The following GMFG variants were observed in gnomAD, a reference collection of about 807,000 sequenced individuals.
The protein encoded by GMFG is glia maturation factor gamma.
A neutral mutation model predicts 26.1 loss-of-function variants in GMFG; 21 were observed. The ratio of observed to expected loss-of-function variants is 0.80; its 90% CI spans 0.57 to 1.16. The LOEUF (loss-of-function observed/expected upper bound fraction) is 1.16, where lower values mean the gene tolerates loss of function less well. Ranked by LOEUF, GMFG falls within the 50% of genes most tolerant of loss-of-function variation. The pLI, the probability that GMFG is intolerant of heterozygous loss-of-function variation, is 0.00. For missense variants in GMFG, 161 were observed against 178.3 expected (o/e 0.90, Z 0.55); for synonymous variants, 65 against 60.8 (o/e 1.07, Z -0.32).
chr19:39,335,407 T>C (rs1160914168), intron 2 of GMFG, 28 bp downstream of exon 2: 1 of 1,591,506 alleles, frequency 6.3e-7, no homozygotes, highest in South Asian at 1.1e-5. Context: ...CGCCCTCCCA[T>C]CCTTCTGTGG....
Position 39,335,541 on chromosome 19 carries a change from G to C in GMFG, c.4-10C>G. The C allele has an allele frequency of 3.8e-6, 6 of 1,596,634 alleles. No homozygotes were observed. Among genetic ancestry groups the C allele is most frequent in the Non-Finnish European group, 5.2e-6 (6 of 1,164,140 alleles). On this transcript the variant is annotated splice_polypyrimidine_tract_variant and intron_variant, in intron 1 of 6. Coordinates refer to ENST00000597595, the MANE Select transcript of GMFG (RefSeq NM_004877.4). ...CCACCAGGGAGTCAGACTGCCGGAGGGACCCAGGAAGAGCTGAAATGGCCT... is the reference window on the plus strand; with the variant it reads ...CCACCAGGGAGTCAGACTGCCGGAGCGACCCAGGAAGAGCTGAAATGGCCT...
At chr19:39,329,726 G>T in intron 4 of GMFG, 100 bp from the exon 5 acceptor site, 1 of 765,068 alleles carries the variant, frequency 1.3e-6, no homozygotes, top group South Asian at 1.5e-5. Context: ...CTGAGTCTGA[G>T]AACCCAGGGT....
chr19:39,329,073 C>G lies in GMFG; in HGVS notation c.284G>C (p.Gly95Ala), dbSNP rs143143126. 6.2e-7 allele frequency: 1 copy of G among 1,611,740 alleles called. No individual in the cohort carries two copies. The highest frequency in any genetic ancestry group is 8.5e-7 in the Non-Finnish European group (1 of 1,177,900). The change falls in exon 6 of 7, where the codon GGC becomes GCC. Residue 95 changes from glycine (G) to alanine (A), a missense_variant and splice_region_variant. Gly to Ala is a moderately conservative substitution (Grantham distance 60, BLOSUM62 0). Transcript: ENST00000597595. ...PLCFIFSSPV[G>A]CKPEQQMMYA... The stretch of plus-strand genomic sequence containing the variant: ...CATCATCTGTTGTTCCGGCTTGCAG[C>G]CTGCGTGGAAAAGAGGAGAAAGGCA...
chr19:39,328,867 G>C, intron 6 of GMFG, 133 bp downstream of exon 6: 1 of 723,162 alleles, frequency 1.4e-6, no homozygotes, highest in Non-Finnish European at 2.5e-6. Context: ...GACAGAGCGA[G>C]ACCCAGTTCT....
At position 39,333,090 on chromosome 19, in the gene GMFG, C is replaced by G. The variant is rs376843898; in HGVS notation, c.187G>C (p.Glu63Gln). The G allele has an allele frequency of 6.9e-6, 11 of 1,602,418 alleles. No homozygotes were observed. Among genetic ancestry groups the G allele is most frequent in the Non-Finnish European group, 9.4e-6 (11 of 1,171,968 alleles). The stretch of plus-strand genomic sequence containing the variant: ...CCCCCAGGATACCTGGGCTGTCTCT[C>G]CGGCAACTCCATTTTGAGCTCCTCT... ...SPEELKMELP[E>Q]RQPRFVVYSY... Residue 63 changes from glutamate to glutamine, a missense_variant, in exon 4 of 7, where the codon GAG becomes CAG. Glu to Gln is a conservative substitution (Grantham distance 29). Coordinates refer to ENST00000597595, the MANE Select transcript of GMFG (RefSeq NM_004877.4).
rs182772013 is a variant in GMFG, at chr19:39,330,892, G to A, written c.201-1266C>T. ...TGGGATTACAGGCATGAGCCACTGC[G>A]CCTGGCCTTTTTTTAAAAAATTTTA... is the stretch of plus-strand genomic sequence containing the variant. On this transcript the variant is annotated intron_variant, in intron 4 of 6. Coordinates refer to ENST00000597595, the MANE Select transcript of GMFG (RefSeq NM_004877.4). Among the ~76,000 whole-genome samples the A allele has an allele frequency of 6.6e-5, 10 of 151,954 alleles. 1 individual carries two copies. Among genetic ancestry groups the A allele is most frequent in the African/African-American group, 1.9e-4 (8 of 41,452 alleles).
chr19:39,335,459 CTT>C lies in GMFG; in HGVS notation c.74_75del (p.Lys25ArgfsTer53). 1 of 1,613,824 alleles carries C rather than the reference CTT, an allele frequency of 6.2e-7. No individual in the cohort carries two copies. The highest frequency in any genetic ancestry group is 8.5e-7 in the Non-Finnish European group (1 of 1,179,710). Reference protein sequence around the residue: ...TEKLRKFRFRKETDNAAIIMK... With the variant: ...TEKLRKFRFRXETDNAAIIMK... The stretch of plus-strand genomic sequence containing the variant: ...CTTATGATGGCTGCATTGTCTGTCT[CTT>C]TTCGGAAGCGGAATTTCCTCAGCTT... On this transcript the variant is annotated frameshift_variant, in exon 2 of 7. Transcript: ENST00000597595. LOFTEE classifies it high-confidence loss of function.
At chr19:39,330,736 A>T (rs2145052309) in intron 4 of GMFG, among the ~76,000 whole-genome samples, 1 of 151,772 alleles carries the variant, frequency 6.6e-6, no homozygotes, top group East Asian at 1.9e-4. Flanking sequence ...AGCTGAGATT[A>T]CAGGGGCGTG....
At chr19:39,334,263 G>A (rs35759897) in intron 3 of GMFG, among the ~76,000 whole-genome samples, 12,756 of 151,964 alleles carry the variant, frequency 0.084, 617 homozygotes, top group African/African-American at 0.13. Context: ...TGATCCGCCC[G>A]CCTCAGCCTC....
At chr19:39,330,144 A>C (rs772191087) in intron 4 of GMFG, among the ~76,000 whole-genome samples, 3 of 152,202 alleles carry the variant, frequency 2.0e-5, no homozygotes, top group Non-Finnish European at 2.9e-5. Context: ...GGTGCTATTA[A>C]TATCCCCATC....
At chr19:39,335,870 G>T in intron 1 of GMFG, 104 bp downstream of exon 1, 2 of 817,116 alleles carry the variant, frequency 2.4e-6, no homozygotes, top group South Asian at 1.4e-5. Context: ...CCCCCTTCCC[G>T]GCCCGTGACC....
chr19:39,329,700 A>T (rs2075219070), intron 4 of GMFG, 74 bp from the exon 5 acceptor site: 1 of 931,796 alleles, frequency 1.1e-6, no homozygotes, highest in African/African-American at 1.6e-5. Flanking sequence ...CTGAGTCCAC[A>T]GCCTTGAAAT....
chr19:39,330,674 G>T (rs981394841), intron 4 of GMFG, among the ~76,000 whole-genome samples: 9 of 148,612 alleles, frequency 6.1e-5, no homozygotes, highest in African/African-American at 2.3e-4. Flanking sequence ...TCAGCTCATT[G>T]CAGCCTCGAC....
At position 39,328,556 on chromosome 19, in the gene GMFG, G is replaced by A. The variant is rs775461658; in HGVS notation, c.358-8C>T. The A allele has an allele frequency of 6.4e-5, 103 of 1,605,352 alleles. 1 individual carries two copies. In the South Asian group the frequency reaches 1.1e-3, roughly 17 times the overall value. On this transcript the variant is annotated splice_polypyrimidine_tract_variant and splice_region_variant and intron_variant, in intron 6 of 6. Transcript: ENST00000597595. ...GGTGCGGATTTCGAACACCTGGGCAGAGAGAGGTCTCGGCATTATGATCTA... is the reference window on the plus strand; with the variant it reads ...GGTGCGGATTTCGAACACCTGGGCAAAGAGAGGTCTCGGCATTATGATCTA...
Position 39,330,996 on chromosome 19 carries a change from C to T in GMFG, c.201-1370G>A, listed in dbSNP as rs1432780888. Among the ~76,000 whole-genome samples, 5 of 152,274 alleles carry T rather than the reference C, an allele frequency of 3.3e-5. No homozygotes were observed. In the East Asian group the frequency reaches 9.6e-4, roughly 29 times the overall value. Reference sequence around the variant, plus strand: ...CAAGCAGTACTCCCACCTCAGACTCCCAAAGTGCTGAGATTACAGGTGTGA... The same window carrying T: ...CAAGCAGTACTCCCACCTCAGACTCTCAAAGTGCTGAGATTACAGGTGTGA... On this transcript the variant is annotated intron_variant, in intron 4 of 6. Coordinates refer to ENST00000597595, the MANE Select transcript of GMFG (RefSeq NM_004877.4).
rs759481928 is a variant in GMFG at position 39,328,466 on chromosome 19, C to A, written c.*11G>T. The A allele has an allele frequency of 1.3e-6, 2 of 1,593,150 alleles. No individual in the cohort carries two copies. Among genetic ancestry groups the A allele is most frequent in the Non-Finnish European group, 1.7e-6 (2 of 1,160,934 alleles). On this transcript the variant is annotated 3_prime_UTR_variant, in exon 7 of 7. Coordinates refer to ENST00000597595, the MANE Select transcript of GMFG (RefSeq NM_004877.4). Reference sequence around the variant, plus strand: ...ACTCAGACATCAGGAATTCAGTCCCCAGCCCAGAGATCAACGAAAGAAAGA... The same window carrying A: ...ACTCAGACATCAGGAATTCAGTCCCAAGCCCAGAGATCAACGAAAGAAAGA...
chr19:39,334,908 G>A (rs1009425693), intron 3 of GMFG, among the ~76,000 whole-genome samples: 3 of 152,006 alleles, frequency 2.0e-5, no homozygotes, highest in Non-Finnish European at 4.4e-5. Flanking sequence ...GAAGTGTAGT[G>A]GCACAATCTC....
intron 1 of GMFG, 134 bp downstream of exon 1, chr19:39,335,840 G>A (rs1242949474): frequency 1.1e-5 from 8 of 721,040 alleles, no homozygotes; most frequent in Non-Finnish European, 1.5e-5. Context: ...CTTCCAGCCG[G>A]GCTGTTCACC....
intron 6 of GMFG, 83 bp from the exon 7 acceptor site, chr19:39,328,631 C>T (rs1202639853): frequency 1.0e-6 from 1 of 994,306 alleles, no homozygotes; most frequent in Non-Finnish European, 1.6e-6. Context: ...TGTAAGAGAG[C>T]ACTTTGGGAG....
Sources: allele counts gnomAD v4.1 joint callset (sites outside exome capture counted in the v4.1 genomes callset), GRCh38; gene constraint gnomAD v4.1.1; transcripts MANE v1.5; gene names NCBI Gene and HGNC (gene_info 2026-07-23, HGNC 2026-07-21).